The following TTC23 variants were observed in gnomAD, a reference collection of about 807,000 sequenced individuals.
The protein encoded by TTC23 is tetratricopeptide repeat domain 23.
Under a neutral mutation model 55.1 loss-of-function variants are expected in TTC23, and 58 were observed. The observed-to-expected ratio is 1.05, with a 90% CI of 0.85 to 1.31. The LOEUF (loss-of-function observed/expected upper bound fraction) is 1.31, where lower values mean the gene tolerates loss of function less well. Among genes scored for constraint, TTC23 ranks in the 50% most tolerant of loss-of-function variants. The pLI is 0.00. For missense variants in TTC23, 516 were observed against 534.4 expected, an observed-to-expected ratio of 0.97 and a Z score of 0.34; for synonymous variants, 203 against 199.9, an observed-to-expected ratio of 1.02 and a Z score of -0.13.
At chr15:99,207,811 TG>T (rs1336034320) in intron 8 of TTC23, among the ~76,000 whole-genome samples, 3 of 152,102 alleles carry the variant, frequency 2.0e-5, no homozygotes, top group Admixed American at 2.0e-4. Context: ...TCCATATAAT[TG>T]AGAACTATAA....
chr15:99,142,136 G>C (rs782783224), intron 12 of TTC23, among the ~76,000 whole-genome samples: 5 of 152,142 alleles, frequency 3.3e-5, no homozygotes, highest in Non-Finnish European at 5.9e-5. Flanking sequence ...GCTCTGAGGG[G>C]AGGGGATGCG....
chr15:99,242,791 T>C (rs926208224), intron 2 of TTC23, among the ~76,000 whole-genome samples: 2 of 152,172 alleles, frequency 1.3e-5, no homozygotes, highest in African/African-American at 2.4e-5. Flanking sequence ...TATCCAATCA[T>C]GATTAAAAAA....
intron 11 of TTC23, chr15:99,157,607 A>T (rs1263265441): frequency 6.6e-6 from 1 of 152,212 alleles, no homozygotes; most frequent in Non-Finnish European, 1.5e-5. Context: ...CAAATTATCT[A>T]TGTATAGAAC....
chr15:99,220,419 G>A (rs1221565301), intron 6 of TTC23, among the ~76,000 whole-genome samples: 1 of 152,210 alleles, frequency 6.6e-6, no homozygotes, highest in Admixed American at 6.5e-5. Flanking sequence ...TGAAACCCCA[G>A]ATGGCAGGAC....
Position 99,219,897 on chromosome 15 carries a change from T to A in TTC23, c.305-849A>T, listed in dbSNP as rs993427613. ...AAATATGAAGTTAATTCTGTTCCTA[T>A]GTCTATAAAACAGGAAGAATATATT... On this transcript the variant is annotated intron_variant, in intron 6 of 13. Transcript: ENST00000394132. Among the ~76,000 whole-genome samples, 5 of 152,260 alleles carry A rather than the reference T, an allele frequency of 3.3e-5. No homozygotes were observed. In the East Asian group the frequency reaches 9.6e-4, roughly 29 times the overall value.
rs1268961722 is a variant in TTC23 at position 99,139,343 on chromosome 15, G to T, written c.1200C>A (p.Thr400=). ...TGGACAGCATGCCCATGGCCTGCTG[G>T]GTGGCCAGAGTCCTTTTGTCCTGCG... ...YGPQDKRTLA[T]QQAMGMLSTA... Residue 400 remains threonine (T), a synonymous_variant, in exon 13 of 14, where the codon ACC becomes ACA. Coordinates refer to ENST00000394132, the MANE Select transcript of TTC23 (RefSeq NM_001288615.3). The T allele has an allele frequency of 6.2e-7, 1 of 1,613,652 alleles. No individual in the cohort carries two copies. The highest frequency in any genetic ancestry group is 8.5e-7 in the Non-Finnish European group (1 of 1,180,040).
intron 5 of TTC23, among the ~76,000 whole-genome samples, chr15:99,224,146 G>A (rs1228895125): frequency 6.6e-6 from 1 of 152,164 alleles, no homozygotes; most frequent in Admixed American, 6.5e-5. Context: ...CCTAGCAGGA[G>A]GAAGCTAAGG....
At chr15:99,221,477 T>C (rs894301840) in intron 6 of TTC23, among the ~76,000 whole-genome samples, 1 of 152,016 alleles carries the variant, frequency 6.6e-6, no homozygotes, top group Admixed American at 6.6e-5. Flanking sequence ...AGATTAATTT[T>C]CTCCTAAGAA....
At chr15:99,215,858 C>T (rs2077440100) in intron 8 of TTC23, among the ~76,000 whole-genome samples, 2 of 151,362 alleles carry the variant, frequency 1.3e-5, no homozygotes, top group Admixed American at 1.3e-4. Context: ...TAAAAGAAAG[C>T]AAGTAAGGAA....
chr15:99,177,738 T>C (rs2073727594), intron 9 of TTC23, among the ~76,000 whole-genome samples: 1 of 152,252 alleles, frequency 6.6e-6, no homozygotes, highest in African/African-American at 2.4e-5. Context: ...TATTCAATAT[T>C]ATAAATTCAA....
At chr15:99,159,874 G>C (rs1267467971) in intron 11 of TTC23, 2 of 152,404 alleles carry the variant, frequency 1.3e-5, no homozygotes, top group East Asian at 1.9e-4. Context: ...TTGTTAGAGC[G>C]GTCCAGGCAA....
chr15:99,174,171 G>A (rs1311001722), intron 10 of TTC23, among the ~76,000 whole-genome samples: 2 of 152,126 alleles, frequency 1.3e-5, no homozygotes, highest in East Asian at 1.9e-4. Context: ...GATAAATGCC[G>A]ATGCCCCCTT....
intron 4 of TTC23, among the ~76,000 whole-genome samples, chr15:99,232,811 A>G (rs970782356): frequency 6.6e-6 from 1 of 152,206 alleles, no homozygotes; most frequent in Admixed American, 6.5e-5. Flanking sequence ...GAACAGTATT[A>G]GTATATTGAA....
At chr15:99,195,918 C>A (rs2075663229) in intron 9 of TTC23, among the ~76,000 whole-genome samples, 1 of 150,914 alleles carries the variant, frequency 6.6e-6, no homozygotes, top group South Asian at 2.1e-4. Context: ...TGTTGGGAGG[C>A]TGAGGCAGGG....
chr15:99,237,382 G>GAA (rs201499308), intron 3 of TTC23, among the ~76,000 whole-genome samples: 1 of 151,514 alleles, frequency 6.6e-6, no homozygotes. Context: ...TAAAAAACTA[G>GAA]AAAAAAAACC....
At chr15:99,193,787 C>T (rs952368094) in intron 9 of TTC23, among the ~76,000 whole-genome samples, 1 of 152,128 alleles carries the variant, frequency 6.6e-6, no homozygotes, top group African/African-American at 2.4e-5. Context: ...GCAGTCATAT[C>T]ACTTGAGGTC....
chr15:99,191,385 C>T (rs2075240708), intron 9 of TTC23, among the ~76,000 whole-genome samples: 1 of 152,156 alleles, frequency 6.6e-6, no homozygotes, highest in African/African-American at 2.4e-5. Flanking sequence ...TCTTGGAGGC[C>T]ATCTTTCAGT....
At chr15:99,202,058 C>T (rs2076244596) in intron 8 of TTC23, among the ~76,000 whole-genome samples, 1 of 152,204 alleles carries the variant, frequency 6.6e-6, no homozygotes, top group African/African-American at 2.4e-5. Context: ...GTTTACATAT[C>T]ATCCATGGCT....
intron 4 of TTC23, among the ~76,000 whole-genome samples, chr15:99,230,733 A>T (rs1353059492): frequency 6.6e-6 from 1 of 152,230 alleles, no homozygotes; most frequent in Non-Finnish European, 1.5e-5. Context: ...TGGAAAGAAA[A>T]AAGTTGTCAA....
Sources: gnomAD v4.1 joint callset for allele counts (sites outside exome capture counted in the v4.1 genomes callset) on GRCh38, gnomAD v4.1.1 for gene constraint, MANE v1.5 for transcripts, NCBI Gene and HGNC (gene_info 2026-07-23, HGNC 2026-07-21) for gene names.